The following KCNH7 variants were observed in gnomAD, a reference collection of about 807,000 sequenced individuals.
KCNH7 encodes potassium voltage-gated channel subfamily H member 7.
KCNH7 carries 49 observed loss-of-function variants against 120.8 expected under a neutral mutation model. That is an observed-to-expected ratio of 0.41 (90% CI 0.32 to 0.51). The LOEUF (loss-of-function observed/expected upper bound fraction) is 0.51, where lower values mean the gene tolerates loss of function less well. KCNH7 is among the 20% of genes least tolerant of loss of function. The probability of loss-of-function intolerance (pLI) is 0.38; values close to 1 mark genes in which losing one functional copy is unlikely to be tolerated. For missense variants in KCNH7, 1,097 were observed against 1,446.6 expected, an observed-to-expected ratio of 0.76 and a Z score of 3.92; for synonymous variants, 547 against 516.1, an observed-to-expected ratio of 1.06 and a Z score of -0.81.
intron 2 of KCNH7, among the ~76,000 whole-genome samples, chr2:162,579,682 G>T (rs1335073077): frequency 3.3e-5 from 5 of 151,994 alleles, no homozygotes; most frequent in Non-Finnish European, 7.4e-5. Flanking sequence ...AACAGGGTGG[G>T]CACTTCTGAA....
chr2:162,780,940 A>G (rs1409951779), intron 2 of KCNH7, among the ~76,000 whole-genome samples: 1 of 152,136 alleles, frequency 6.6e-6, no homozygotes, highest in Non-Finnish European at 1.5e-5. Flanking sequence ...AATTGCCATC[A>G]TTGTTTAATT....
chr2:162,765,187 A>T (rs1402699246), intron 2 of KCNH7, among the ~76,000 whole-genome samples: 4 of 152,210 alleles, frequency 2.6e-5, no homozygotes, highest in African/African-American at 4.8e-5. Flanking sequence ...AGAAAGCCTG[A>T]TTGCAGGGTG....
chr2:162,598,896 G>A (rs1694461562), intron 2 of KCNH7, among the ~76,000 whole-genome samples: 1 of 152,102 alleles, frequency 6.6e-6, no homozygotes, highest in African/African-American at 2.4e-5. Flanking sequence ...TTTTGAGGGA[G>A]AGTTTGAGAA....
intron 2 of KCNH7, among the ~76,000 whole-genome samples, chr2:162,735,173 T>C (rs1687857403): frequency 6.6e-6 from 1 of 152,194 alleles, no homozygotes; most frequent in African/African-American, 2.4e-5. Context: ...AAATCTAATA[T>C]GAGTGACTCC....
At chr2:162,699,470 T>C (rs753078274) in intron 2 of KCNH7, among the ~76,000 whole-genome samples, 3 of 152,200 alleles carry the variant, frequency 2.0e-5, no homozygotes, top group Non-Finnish European at 4.4e-5. Context: ...AGAAATGTAC[T>C]GGATAAGTGT....
intron 2 of KCNH7, among the ~76,000 whole-genome samples, chr2:162,733,173 G>A (rs1042096312): frequency 2.0e-5 from 3 of 152,150 alleles, no homozygotes; most frequent in Non-Finnish European, 4.4e-5. Context: ...GAAAAAACAG[G>A]TTTGGTGACT....
intron 2 of KCNH7, among the ~76,000 whole-genome samples, chr2:162,549,839 A>G (rs1574090157): frequency 6.6e-6 from 1 of 152,230 alleles, no homozygotes. Context: ...AAGAACAAGG[A>G]CTGAGCTAAT....
chr2:162,789,975 G>GA (rs142519169), intron 2 of KCNH7, among the ~76,000 whole-genome samples: 5,315 of 151,134 alleles, frequency 0.035, 307 homozygotes, highest in African/African-American at 0.12. Flanking sequence ...AACATTAACA[G>GA]AAAAAAATCA....
chr2:162,625,917 C>T lies in KCNH7; in HGVS notation c.308-88837G>A, dbSNP rs79941281. Among the ~76,000 whole-genome samples the T allele has an allele frequency of 2.3e-3, 348 of 151,954 alleles. 1 individual carries two copies. The highest frequency in any genetic ancestry group is 8.1e-3 in the African/African-American group (337 of 41,444). ...AAGTCTTGCTTTGGGAATCCTAGTA[C>T]GTATTTGAAAATGTAAAAAAAATTA... is the stretch of plus-strand genomic sequence containing the variant. On this transcript the variant is annotated intron_variant, in intron 2 of 15. Transcript: ENST00000332142.
chr2:162,753,679 G>A (rs1688689449), intron 2 of KCNH7, among the ~76,000 whole-genome samples: 1 of 151,990 alleles, frequency 6.6e-6, no homozygotes, highest in African/African-American at 2.4e-5. Flanking sequence ...GATCCTAGAG[G>A]AGTTGCCACA....
At chr2:162,655,437 T>C (rs1684716454) in intron 2 of KCNH7, among the ~76,000 whole-genome samples, 1 of 152,188 alleles carries the variant, frequency 6.6e-6, no homozygotes, top group Non-Finnish European at 1.5e-5. Flanking sequence ...GGTGAAATCT[T>C]GGACAATCTA....
intron 2 of KCNH7, among the ~76,000 whole-genome samples, chr2:162,608,592 T>C (rs1339925983): frequency 6.6e-6 from 1 of 152,164 alleles, no homozygotes; most frequent in Non-Finnish European, 1.5e-5. Context: ...GTGAATCTCT[T>C]TTCATATCCT....
chr2:162,487,755 G>A (rs1029216781), intron 6 of KCNH7, among the ~76,000 whole-genome samples: 2 of 152,168 alleles, frequency 1.3e-5, no homozygotes, highest in African/African-American at 4.8e-5. Context: ...GATAATCAAT[G>A]AGACCTTTTA....
chr2:162,772,872 A>G (rs1428096630), intron 2 of KCNH7, among the ~76,000 whole-genome samples: 1 of 152,228 alleles, frequency 6.6e-6, no homozygotes, highest in Non-Finnish European at 1.5e-5. Flanking sequence ...AAATAGACAT[A>G]TATAACTCAG....
intron 13 of KCNH7, among the ~76,000 whole-genome samples, chr2:162,383,140 A>G (rs1573895946): frequency 6.6e-6 from 1 of 152,058 alleles, no homozygotes; most frequent in South Asian, 2.1e-4. Context: ...CAAATTATAT[A>G]TTTAATAATT....
chr2:162,701,550 T>C (rs1686499440), intron 2 of KCNH7, among the ~76,000 whole-genome samples: 2 of 152,144 alleles, frequency 1.3e-5, no homozygotes. Flanking sequence ...GGAACAGATA[T>C]GACAGAAATG....
intron 2 of KCNH7, among the ~76,000 whole-genome samples, chr2:162,761,571 A>G (rs1663174402): frequency 6.6e-6 from 1 of 152,132 alleles, no homozygotes; most frequent in African/African-American, 2.4e-5. Flanking sequence ...AAGCACTTTG[A>G]ACATTTAACA....
At chr2:162,662,090 C>T (rs767685932) in intron 2 of KCNH7, among the ~76,000 whole-genome samples, 11 of 151,922 alleles carry the variant, frequency 7.2e-5, no homozygotes, top group Non-Finnish European at 7.4e-5. Flanking sequence ...GGTGAAACCC[C>T]GTCTCTACTA....
At chr2:162,576,163 G>A (rs995354599) in intron 2 of KCNH7, among the ~76,000 whole-genome samples, 2 of 152,056 alleles carry the variant, frequency 1.3e-5, no homozygotes, top group African/African-American at 4.8e-5. Context: ...TTGATGTGAA[G>A]AATTCAAATC....
Sources: allele counts gnomAD v4.1 joint callset (sites outside exome capture counted in the v4.1 genomes callset), GRCh38; gene constraint gnomAD v4.1.1; transcripts MANE v1.5; gene names NCBI Gene and HGNC (gene_info 2026-07-23, HGNC 2026-07-21).